The following SHISA9 variants were observed in gnomAD, a reference collection of about 807,000 sequenced individuals.
SHISA9 encodes the protein shisa family member 9, also known as protein shisa-9.
SHISA9 carries 13 observed loss-of-function variants against 38.0 expected under a neutral mutation model. The ratio of observed to expected loss-of-function variants is 0.34; its 90% CI spans 0.22 to 0.54. The LOEUF (loss-of-function observed/expected upper bound fraction) is 0.54, where lower values mean the gene tolerates loss of function less well. Among genes scored for constraint, SHISA9 ranks in the 20% least tolerant of loss-of-function variants. The probability of loss-of-function intolerance (pLI) is 0.91; values close to 1 mark genes in which losing one functional copy is unlikely to be tolerated. For synonymous variants in SHISA9, 275 were observed against 242.0 expected (o/e 1.14, Z -1.27); for missense variants, 538 against 575.8 (o/e 0.93, Z 0.67).
intron 2 of SHISA9, among the ~76,000 whole-genome samples, chr16:13,167,344 T>C (rs113808049): frequency 0.027 from 4,037 of 152,266 alleles, 69 homozygotes; most frequent in African/African-American, 0.043. Context: ...AGTGCTGGGA[T>C]CACAGGCGTG....
intron 2 of SHISA9, among the ~76,000 whole-genome samples, chr16:13,007,437 T>C (rs972158051): frequency 1.3e-5 from 2 of 152,184 alleles, no homozygotes; most frequent in Non-Finnish European, 2.9e-5. Context: ...TGCACAAGTG[T>C]TCTTTATTTC....
At chr16:13,139,506 C>T (rs1323759540) in intron 2 of SHISA9, among the ~76,000 whole-genome samples, 2 of 150,872 alleles carry the variant, frequency 1.3e-5, no homozygotes, top group South Asian at 4.2e-4. Flanking sequence ...TCCCTTCATC[C>T]CTTCCTTTAC....
intron 2 of SHISA9, among the ~76,000 whole-genome samples, chr16:13,086,377 A>G (rs1030591600): frequency 7.5e-5 from 10 of 133,716 alleles, no homozygotes; most frequent in Non-Finnish European, 9.6e-5. Flanking sequence ...AAAAAAAAAG[A>G]AGAAGAATAT....
At chr16:13,411,021 C>A in the SHISA9 span, among the ~76,000 whole-genome samples, 1 of 152,056 alleles carries the variant, frequency 6.6e-6, no homozygotes, top group Non-Finnish European at 1.5e-5. Context: ...GGTATAGGTA[C>A]CAGAGTTCTT....
At chr16:13,052,959 CTT>C (rs925020167) in intron 2 of SHISA9, among the ~76,000 whole-genome samples, 26 of 106,058 alleles carry the variant, frequency 2.5e-4, no homozygotes, top group Non-Finnish European at 3.4e-4. Context: ...TCCTTCCTTT[CTT>C]TTTTTTTTTT....
chr16:13,537,752 T>C, the SHISA9 span, among the ~76,000 whole-genome samples: 1 of 152,220 alleles, frequency 6.6e-6, no homozygotes, highest in Non-Finnish European at 1.5e-5. Flanking sequence ...ATGTAAATTA[T>C]ATCTCAGAAA....
the SHISA9 span, among the ~76,000 whole-genome samples, chr16:13,268,257 C>T: frequency 7.9e-5 from 12 of 152,178 alleles, no homozygotes; most frequent in Admixed American, 3.9e-4. Flanking sequence ...TGCCTGTAAT[C>T]CCAGCACTTC....
chr16:13,530,798 G>A, the SHISA9 span, among the ~76,000 whole-genome samples: 1 of 152,270 alleles, frequency 6.6e-6, no homozygotes, highest in Non-Finnish European at 1.5e-5. Flanking sequence ...CTCCAAGGGT[G>A]ACCTGATTGG....
chr16:13,114,975 T>A (rs1371075488), intron 2 of SHISA9, among the ~76,000 whole-genome samples: 2 of 150,022 alleles, frequency 1.3e-5, no homozygotes, highest in Non-Finnish European at 2.9e-5. Context: ...TCTATATATG[T>A]ATCTATCTAT....
At chr16:12,919,127 A>T (rs1425716654) in intron 2 of SHISA9, among the ~76,000 whole-genome samples, 1 of 152,160 alleles carries the variant, frequency 6.6e-6, no homozygotes, top group Admixed American at 6.5e-5. Flanking sequence ...ACTGATATTA[A>T]TCAGTTAAGG....
At chr16:13,319,000 C>T in the SHISA9 span, among the ~76,000 whole-genome samples, 1 of 152,184 alleles carries the variant, frequency 6.6e-6, no homozygotes, top group Non-Finnish European at 1.5e-5. Flanking sequence ...CATTTCACTA[C>T]TTTTATTTCA....
chr16:13,367,737 CA>C, the SHISA9 span, among the ~76,000 whole-genome samples: 3 of 148,068 alleles, frequency 2.0e-5, no homozygotes, highest in African/African-American at 7.7e-5. Flanking sequence ...CACACACACA[CA>C]CACACACACA....
At chr16:13,410,600 C>A in the SHISA9 span, among the ~76,000 whole-genome samples, 11 of 151,636 alleles carry the variant, frequency 7.3e-5, no homozygotes, top group Non-Finnish European at 1.5e-4. Context: ...CGAAAATATG[C>A]CAAAAACAAA....
At chr16:13,076,872 C>T (rs2073588686) in intron 2 of SHISA9, among the ~76,000 whole-genome samples, 1 of 152,114 alleles carries the variant, frequency 6.6e-6, no homozygotes, top group South Asian at 2.1e-4. Flanking sequence ...ACATAGTAGG[C>T]CCTCAGTAAA....
chr16:13,451,621 AAGAG>A, the SHISA9 span, among the ~76,000 whole-genome samples: 1 of 152,172 alleles, frequency 6.6e-6, no homozygotes, highest in Admixed American at 6.5e-5. Context: ...CATAAAGGGC[AAGAG>A]AGAGAGAATT....
the SHISA9 span, among the ~76,000 whole-genome samples, chr16:13,444,205 T>C: frequency 6.6e-6 from 1 of 152,106 alleles, no homozygotes; most frequent in Non-Finnish European, 1.5e-5. Flanking sequence ...ACCCTGTCTT[T>C]ACAAAAAATA....
intron 2 of SHISA9, among the ~76,000 whole-genome samples, chr16:13,053,662 G>A (rs570031410): frequency 5.9e-5 from 9 of 151,840 alleles, no homozygotes. Context: ...ATCTTTCTTC[G>A]TGTATCTTAA....
At position 13,152,837 on chromosome 16, in the gene SHISA9, G is replaced by C. The variant is rs117244412; in HGVS notation, c.692-50557G>C. ...ATTGGAAACTACATAAATATGTTAG[G>C]TTACATGGCAAGAGAGAATTAAGGT... On this transcript the variant is annotated intron_variant, in intron 2 of 4. Transcript: ENST00000558583. Among the ~76,000 whole-genome samples, 1,000 of 152,276 alleles carry C rather than the reference G, an allele frequency of 6.6e-3. 2 individuals are homozygous for C. Among genetic ancestry groups the C allele is most frequent in the Non-Finnish European group, 0.01 (699 of 68,024 alleles).
At chr16:13,176,764 T>C (rs1168475285) in intron 2 of SHISA9, among the ~76,000 whole-genome samples, 2 of 152,144 alleles carry the variant, frequency 1.3e-5, no homozygotes, top group African/African-American at 4.8e-5. Context: ...TAACCTCACA[T>C]GGGGGAGTGG....
Sources: allele counts gnomAD v4.1 joint callset (sites outside exome capture counted in the v4.1 genomes callset), GRCh38; gene constraint gnomAD v4.1.1; transcripts MANE v1.5; gene names NCBI Gene and HGNC (gene_info 2026-07-23, HGNC 2026-07-21).